The following MDGA1 variants were observed in gnomAD, a reference collection of about 807,000 sequenced individuals.
The protein encoded by MDGA1 is MAM domain containing glycosylphosphatidylinositol anchor 1.
A neutral mutation model predicts 101.5 loss-of-function variants in MDGA1; 54 were observed. The observed-to-expected ratio is 0.53, with a 90% CI of 0.43 to 0.67. MDGA1 has a LOEUF of 0.67. Among genes scored for constraint, MDGA1 ranks in the 30% least tolerant of loss-of-function variants. MDGA1 has a pLI of 0.00. For synonymous variants in MDGA1, 533 were observed against 558.3 expected, an observed-to-expected ratio of 0.95 and a Z score of 0.64; for missense variants, 1,083 against 1,323.8, an observed-to-expected ratio of 0.82 and a Z score of 2.82.
intron 2 of MDGA1, 134 bp downstream of exon 2, chr6:37,663,833 C>T: frequency 5.1e-6 from 5 of 972,772 alleles, no homozygotes; most frequent in Non-Finnish European, 6.0e-6. Flanking sequence ...ATTTCCCCAG[C>T]CCCCATCTCC....
chr6:37,640,394 T>G (rs900522474), intron 14 of MDGA1, among the ~76,000 whole-genome samples: 3 of 151,786 alleles, frequency 2.0e-5, no homozygotes, highest in Non-Finnish European at 4.4e-5. Flanking sequence ...GACAGGGTCT[T>G]GGTGGTACAA....
chr6:37,650,020 G>C, intron 8 of MDGA1, 89 bp downstream of exon 8: 1 of 1,519,420 alleles, frequency 6.6e-7, no homozygotes, highest in Non-Finnish European at 9.0e-7. Context: ...TGGTTGGACT[G>C]GGGTGGGTGA....
chr6:37,694,533 GA>G (rs1402491009), intron 1 of MDGA1, among the ~76,000 whole-genome samples: 1 of 152,110 alleles, frequency 6.6e-6, no homozygotes, highest in African/African-American at 2.4e-5. Context: ...GACTGCTGGG[GA>G]GGGGGGCAGA....
intron 12 of MDGA1, among the ~76,000 whole-genome samples, chr6:37,645,003 C>A (rs1187285881): frequency 6.6e-6 from 1 of 152,166 alleles, no homozygotes; most frequent in African/African-American, 2.4e-5. Flanking sequence ...AAGTAGGCTT[C>A]TTTATTATCT....
At position 37,664,088 on chromosome 6, in the gene MDGA1, A is replaced by C; in HGVS notation, c.86T>G (p.Ile29Ser). 1.2e-6 allele frequency: 2 copies of C among 1,613,888 alleles called. No individual in the cohort carries two copies. The highest frequency in any genetic ancestry group is 1.7e-6 in the Non-Finnish European group (2 of 1,179,870). ...QGVYAPAQAQ[I>S]VHAGQACVVK... ...CACACATGCCTGGCCCGCATGCACG[A>C]TCTGCGCCTGGGCTGGAGCTGGCAG... Residue 29 changes from isoleucine (I) to serine (S), a missense_variant, in exon 2 of 17, where the codon ATC becomes AGC. By Grantham distance (142) the Ile-to-Ser change is moderately radical. Transcript: ENST00000434837.
intron 1 of MDGA1, among the ~76,000 whole-genome samples, chr6:37,685,326 G>A (rs922264714): frequency 4.6e-5 from 7 of 152,102 alleles, no homozygotes; most frequent in Non-Finnish European, 7.4e-5. Context: ...CTTCAGGAGC[G>A]TCTCAGGGCC....
Position 37,638,658 on chromosome 6 carries a change from T to C in MDGA1, c.2546A>G (p.Asn849Ser), listed in dbSNP as rs1411420355. 3.7e-6 allele frequency: 6 copies of C among 1,612,976 alleles called. No homozygotes were observed. The highest frequency in any genetic ancestry group is 5.1e-6 in the Non-Finnish European group (6 of 1,179,536). The change falls in exon 15 of 17, where the codon AAC becomes AGC. Residue 849 changes from asparagine (N) to serine (S), a missense_variant. Asn to Ser is a conservative substitution (Grantham distance 46). Transcript: ENST00000434837. This position sits in a 1 kb window ranked among gnomAD's most constrained non-coding sequence, Gnocchi z 4.8. Reference protein sequence around the residue: ...HMYGKHIGSLNLLVRSRNKGA... With the variant: ...HMYGKHIGSLSLLVRSRNKGA... ...TTTGTTCCGGGACCGCACCAGGAGG[T>C]TGAGGGAGCCTGCGGTGGGTGTGAA...
Position 37,696,762 on chromosome 6 carries a change from C to T in MDGA1, c.50G>A (p.Arg17Gln). ...LLLALIPFHC[R>Q]GQGVYAPAQA... ...GCTCTTACCGTAGACTCCTTGTCCCCGGCAGTGGAAGGGGATCAGCGCCAG... is the reference window on the plus strand; with the variant it reads ...GCTCTTACCGTAGACTCCTTGTCCCTGGCAGTGGAAGGGGATCAGCGCCAG... The change falls in exon 1 of 17, where the codon CGG becomes CAG. Residue 17 changes from arginine to glutamine, a missense_variant. Transcript: ENST00000434837. This position sits in a 1 kb window ranked among gnomAD's most constrained non-coding sequence, Gnocchi z 5.6. 6.3e-7 allele frequency: 1 copy of T among 1,583,878 alleles called. No individual in the cohort carries two copies. Among genetic ancestry groups the T allele is most frequent in the Non-Finnish European group, 8.6e-7 (1 of 1,164,416 alleles).
chr6:37,642,579 T>G (rs1288546820), intron 14 of MDGA1, among the ~76,000 whole-genome samples: 1 of 152,212 alleles, frequency 6.6e-6, no homozygotes, highest in Non-Finnish European at 1.5e-5. Flanking sequence ...GTCTGCATTA[T>G]GTGCCCTTTT....
chr6:37,667,337 T>C (rs1291888267), intron 1 of MDGA1, among the ~76,000 whole-genome samples: 2 of 152,212 alleles, frequency 1.3e-5, no homozygotes, highest in African/African-American at 2.4e-5. Flanking sequence ...AGACAAGCAA[T>C]GTATGCCTTG....
intron 14 of MDGA1, among the ~76,000 whole-genome samples, chr6:37,642,855 C>T (rs1469362920): frequency 6.6e-6 from 1 of 152,192 alleles, no homozygotes; most frequent in Non-Finnish European, 1.5e-5. Context: ...ACTCGTCCAC[C>T]TCGTTCACTA....
In MDGA1 at chr6:37,655,379, G is replaced by T. The variant is rs1043665782; in HGVS notation, c.579+321C>A. 2.9e-6 allele frequency: 1 copy of T among 349,540 alleles called. No individual in the cohort carries two copies. The highest frequency in any genetic ancestry group is 2.1e-5 in the African/African-American group (1 of 48,710). 21.7% of individuals were successfully genotyped at this position (349,540 alleles called of 1,614,324 possible). On this transcript the variant is annotated intron_variant, in intron 4 of 16. Transcript: ENST00000434837. This position sits in a 1 kb window ranked among gnomAD's most constrained non-coding sequence, Gnocchi z 5.1. ...TCTCCTCGCCCCCAGATCCTGCTGT[G>T]CCTGGCCACAGGTTCCCAATACTCT...
chr6:37,647,847 G>C (rs886947587), intron 9 of MDGA1, among the ~76,000 whole-genome samples: 2 of 152,088 alleles, frequency 1.3e-5, no homozygotes, highest in Non-Finnish European at 2.9e-5. Context: ...TGGGGAAAGG[G>C]CCAGTGACCT....
intron 1 of MDGA1, among the ~76,000 whole-genome samples, chr6:37,695,122 G>A (rs548610806): frequency 3.4e-4 from 51 of 152,160 alleles, no homozygotes; most frequent in Admixed American, 1.6e-3. Flanking sequence ...CTTGCCAAAT[G>A]CACCCAATGA....
chr6:37,646,910 C>T (rs1761214971), intron 10 of MDGA1, among the ~76,000 whole-genome samples: 1 of 152,134 alleles, frequency 6.6e-6, no homozygotes, highest in South Asian at 2.1e-4. Context: ...TGGCTCCCTC[C>T]CCCACGAACC....
chr6:37,671,531 C>T (rs1257401151), intron 1 of MDGA1, among the ~76,000 whole-genome samples: 2 of 152,224 alleles, frequency 1.3e-5, no homozygotes, highest in East Asian at 3.8e-4. Context: ...AGGCAGAATG[C>T]TGCTGGCCTA....
intron 13 of MDGA1, 146 bp downstream of exon 13, chr6:37,644,351 C>T: frequency 1.1e-6 from 1 of 918,562 alleles, no homozygotes; most frequent in Middle Eastern, 3.5e-4. Flanking sequence ...GAGGCTGTGT[C>T]TCCCCTCAGA....
At chr6:37,648,656 G>C (rs1049571073) in intron 9 of MDGA1, 3 of 411,918 alleles carry the variant, frequency 7.3e-6, no homozygotes, top group Non-Finnish European at 1.3e-5. Context: ...GGGCTGAGCT[G>C]TAATGGGCGG....
At chr6:37,672,020 G>C (rs1761880268) in intron 1 of MDGA1, among the ~76,000 whole-genome samples, 1 of 151,824 alleles carries the variant, frequency 6.6e-6, no homozygotes. Context: ...GCACACCTGT[G>C]TTCCCAGTTA....
Sources: gnomAD v4.1 joint callset for allele counts (sites outside exome capture counted in the v4.1 genomes callset) on GRCh38, gnomAD v4.1.1 for gene constraint, Gnocchi (gnomAD v3.1) non-coding constraint, MANE v1.5 for transcripts, NCBI Gene and HGNC (gene_info 2026-07-23, HGNC 2026-07-21) for gene names.